PATL1: variants seen among roughly 807,000 people sequenced by gnomAD.
The protein encoded by PATL1 is PAT1 homolog 1, processing body mRNA decay factor.
Under a neutral mutation model 100.6 loss-of-function variants are expected in PATL1, and 32 were observed. The observed-to-expected ratio is 0.32, with a 90% CI of 0.24 to 0.43. The LOEUF is 0.43. Among genes scored for constraint, PATL1 ranks in the 20% least tolerant of loss-of-function variants. The pLI is 1.00. For synonymous variants in PATL1, 332 were observed against 330.0 expected (o/e 1.01, Z -0.07); for missense variants, 747 against 949.9 (o/e 0.79, Z 2.81).
At chr11:59,660,515 G>A (rs1861612789) in intron 2 of PATL1, among the ~76,000 whole-genome samples, 1 of 152,204 alleles carries the variant, frequency 6.6e-6, no homozygotes, top group African/African-American at 2.4e-5. Flanking sequence ...GAGTAAGAGG[G>A]TTAGCAATTT....
chr11:59,663,884 T>A (rs927194971), intron 2 of PATL1, among the ~76,000 whole-genome samples: 1 of 152,160 alleles, frequency 6.6e-6, no homozygotes, highest in Admixed American at 6.5e-5. Flanking sequence ...ATTTAAACTC[T>A]CTATACCAGC....
rs1431049290 is a variant in PATL1, at chr11:59,649,476, C to T, written c.1719G>A (p.Leu573=). The change falls in exon 14 of 19, where the codon TTG becomes TTA. Residue 573 remains leucine (L), a synonymous_variant. Transcript: ENST00000300146. The part of the protein sequence containing the change: ...CSMYDNLRGK[L]PGQERPSDDH... ...ACGATGCTTACCTCTCTTGTCCAGGCAATTTCCCCCTTAAGTTGTCATACA... is the reference window on the plus strand; with the variant it reads ...ACGATGCTTACCTCTCTTGTCCAGGTAATTTCCCCCTTAAGTTGTCATACA... 1 of 1,613,848 alleles carries T rather than the reference C, an allele frequency of 6.2e-7. No individual in the cohort carries two copies. Among genetic ancestry groups the T allele is most frequent in the Admixed American group, 1.7e-5 (1 of 60,000 alleles).
intron 15 of PATL1, among the ~76,000 whole-genome samples, chr11:59,643,290 A>G (rs1433128625): frequency 6.6e-6 from 1 of 152,102 alleles, no homozygotes; most frequent in African/African-American, 2.4e-5. Context: ...ACATACCAAG[A>G]GTTATGCTAA....
intron 11 of PATL1, 122 bp downstream of exon 11, chr11:59,652,341 CT>C: frequency 1.5e-6 from 2 of 1,362,368 alleles, no homozygotes; most frequent in South Asian, 3.4e-5. Flanking sequence ...AACAATGGTA[CT>C]TTTAAAATCA....
chr11:59,641,142 G>C (rs1053054759), intron 16 of PATL1, among the ~76,000 whole-genome samples: 1 of 151,870 alleles, frequency 6.6e-6, no homozygotes, highest in African/African-American at 2.4e-5. Flanking sequence ...TTGCACTGCA[G>C]CATGAGTGAC....
intron 6 of PATL1, 53 bp downstream of exon 6, chr11:59,656,442 CAAAT>C (rs750922136): frequency 7.0e-7 from 1 of 1,426,894 alleles, no homozygotes; most frequent in Non-Finnish European, 9.8e-7. Context: ...AGTGATCTTA[CAAAT>C]AGTGATCAGA....
At chr11:59,649,378 C>T (rs1284038481) in intron 14 of PATL1, 84 bp downstream of exon 14, 2 of 1,465,336 alleles carry the variant, frequency 1.4e-6, no homozygotes, top group Admixed American at 4.0e-5. Flanking sequence ...GGGAAGTGTA[C>T]CTAAAAGGCA....
chr11:59,663,583 CAA>C (rs1389207447), intron 2 of PATL1, among the ~76,000 whole-genome samples: 1 of 152,128 alleles, frequency 6.6e-6, no homozygotes, highest in Non-Finnish European at 1.5e-5. Context: ...TGAGGATTAA[CAA>C]TATATGTAAA....
chr11:59,654,034 A>C lies in PATL1; in HGVS notation c.1070T>G (p.Leu357Arg). Residue 357 changes from leucine (L) to arginine (R), a missense_variant, in exon 9 of 19, where the codon CTC becomes CGC. Leu to Arg is a moderately radical substitution (Grantham distance 102). This residue lies in a region of PATL1 where 434 missense variants were observed against 596.1 expected (regional missense o/e 0.73). Transcript: ENST00000300146. The stretch of plus-strand genomic sequence containing the variant: ...CAAGAGTCGACGGTGCTGTGGATGG[A>C]GGTGAGTTGTGTCCGGTCTAAACAT... ...APMFRPDTTH[L>R]HPQHRRLLHQ... 1.2e-6 allele frequency: 2 copies of C among 1,613,772 alleles called. No homozygotes were observed. Among genetic ancestry groups the C allele is most frequent in the Non-Finnish European group, 8.5e-7 (1 of 1,179,768 alleles).
rs1055473802 is a variant in PATL1, at chr11:59,649,556, G to A, written c.1639C>T (p.Leu547=). ...EDYERRYLLS[L]EEERPALMDD... ...ATTAGGGCAGGTCGCTCTTCTTCCA[G>A]ACTTAGGAGATAACGTCTTTCATAG... The change falls in exon 14 of 19, where the codon CTG becomes TTG. Residue 547 remains leucine, a synonymous_variant. Coordinates refer to ENST00000300146, the MANE Select transcript of PATL1 (RefSeq NM_152716.3). 1 of 1,613,616 alleles carries A rather than the reference G, an allele frequency of 6.2e-7. No homozygotes were observed.
chr11:59,640,998 C>G (rs1382996540), intron 16 of PATL1, among the ~76,000 whole-genome samples: 1 of 152,088 alleles, frequency 6.6e-6, no homozygotes, highest in Non-Finnish European at 1.5e-5. Flanking sequence ...ATGGCAAAAC[C>G]CTGTCTCTGC....
In PATL1 at chr11:59,652,064, C is replaced by CAAAAAAAAAAA. The variant is rs748019832; in HGVS notation, c.1426+389_1426+399dup. Among the ~76,000 whole-genome samples the CAAAAAAAAAAA allele has an allele frequency of 5.9e-3, 314 of 52,960 alleles. 19 individuals carry two copies. The highest frequency in any genetic ancestry group is 0.017 in the African/African-American group (238 of 14,038). The allele number at this position is 52,960 out of a possible 152,430, so 34.7% of individuals were successfully genotyped here. A position where few individuals can be genotyped will look rare whatever the true frequency, so the allele number is the denominator to read the frequency against. ...TGGACAACAGAGTAAGGCTCTTTCTCAAAAAAAAAAAAAAAAAAAAAAAAA... is the reference window on the plus strand; with the variant it reads ...TGGACAACAGAGTAAGGCTCTTTCTCAAAAAAAAAAAAAAAAAAAAAAAAAAAAAAAAAAAA... On this transcript the variant is annotated intron_variant, in intron 11 of 18. Coordinates refer to ENST00000300146, the MANE Select transcript of PATL1 (RefSeq NM_152716.3).
rs1590702257 is a variant in PATL1, at chr11:59,657,515, G to A, written c.621+15C>T. The A allele has an allele frequency of 6.4e-7, 1 of 1,568,470 alleles. No homozygotes were observed. Among genetic ancestry groups the A allele is most frequent in the Non-Finnish European group, 8.7e-7 (1 of 1,150,244 alleles). ...TCCCAATATCCTGGGCTGTGTGCTT[G>A]TTAATGAGAGGTACCTGTTGGGTGA... On this transcript the variant is annotated intron_variant, in intron 5 of 18. Transcript: ENST00000300146.
At chr11:59,661,547 T>C (rs1340854259) in intron 2 of PATL1, among the ~76,000 whole-genome samples, 1 of 152,258 alleles carries the variant, frequency 6.6e-6, no homozygotes, top group Admixed American at 6.5e-5. Context: ...GTATTCTTTT[T>C]TTAGTTACAT....
Position 59,639,314 on chromosome 11 carries a change from C to A in PATL1, c.2119G>T (p.Glu707Ter), listed in dbSNP as rs962231494. 6.4e-7 allele frequency: 1 copy of A among 1,552,002 alleles called. No individual in the cohort carries two copies. ...GACCACTGATTATTTTGTGTTGATT[C>A]TGTAGCAGGGTCTGAACTCTGTAGG... ...EDLQSSDPAT[E>*]STQNNQWTEV... is the part of the protein sequence containing the mutation. The change falls in exon 17 of 19, where the codon GAA (glutamate) becomes TAA (stop). Residue 707 changes from glutamate (E) to a stop codon, truncating the protein, a stop_gained. Transcript: ENST00000300146. LOFTEE classifies it high-confidence loss of function.
At chr11:59,666,004 T>C (rs556133773) in intron 2 of PATL1, among the ~76,000 whole-genome samples, 25 of 152,232 alleles carry the variant, frequency 1.6e-4, no homozygotes, top group Admixed American at 4.6e-4. Context: ...TATGTATCTA[T>C]AGGCTGGGCG....
intron 16 of PATL1, 55 bp downstream of exon 16, chr11:59,642,825 A>G (rs1354740613): frequency 2.6e-6 from 4 of 1,534,678 alleles, no homozygotes; most frequent in South Asian, 2.5e-5. Context: ...ATTTTAATCT[A>G]TAACGCAAAT....
At position 59,669,003 on chromosome 11, in the gene PATL1, G is replaced by T; in HGVS notation, c.-108C>A. On this transcript the variant is annotated 5_prime_UTR_variant, in exon 1 of 19. Coordinates refer to ENST00000300146, the MANE Select transcript of PATL1 (RefSeq NM_152716.3). Reference sequence around the variant, plus strand: ...GGTCCTCCACCGGCTCGCGACCCCTGGCCGCCGCCGTACGCCGGAGCGTGC... The same window carrying T: ...GGTCCTCCACCGGCTCGCGACCCCTTGCCGCCGCCGTACGCCGGAGCGTGC... The T allele has an allele frequency of 3.7e-6, 1 of 273,712 alleles. No individual in the cohort carries two copies. 17.0% of individuals were successfully genotyped at this position (273,712 alleles called of 1,614,324 possible). A position where few individuals can be genotyped will look rare whatever the true frequency, so the allele number is the denominator to read the frequency against.
chr11:59,653,921 G>T, intron 9 of PATL1, 62 bp downstream of exon 9: 2 of 1,431,322 alleles, frequency 1.4e-6, no homozygotes, highest in Non-Finnish European at 2.0e-6. Flanking sequence ...ATAGCATGTT[G>T]TTACACTGTT....
Sources: gnomAD v4.1 joint callset for allele counts (sites outside exome capture counted in the v4.1 genomes callset) on GRCh38, gnomAD v4.1.1 for gene constraint, gnomAD v4.1.1 regional missense constraint, MANE v1.5 for transcripts, NCBI Gene and HGNC (gene_info 2026-07-23, HGNC 2026-07-21) for gene names.